ADK: variants seen among roughly 807,000 people sequenced by gnomAD.
ADK encodes the protein N6,N6-dimethyladenosine kinase.
A neutral mutation model predicts 44.7 loss-of-function variants in ADK; 24 were observed. That is an observed-to-expected ratio of 0.54 (90% CI 0.39 to 0.76). ADK has a LOEUF of 0.76. Ranked by LOEUF, ADK falls within the 30% of genes least tolerant of loss-of-function variation. The pLI is 0.00. For missense variants in ADK, 321 were observed against 425.1 expected (o/e 0.76, Z 2.15); for synonymous variants, 128 against 142.6 (o/e 0.90, Z 0.73).
intron 9 of ADK, among the ~76,000 whole-genome samples, chr10:74,604,385 T>G (rs1034437338): frequency 3.3e-5 from 5 of 152,210 alleles, no homozygotes; most frequent in African/African-American, 1.2e-4. Flanking sequence ...TGGTTTTATG[T>G]TTTATGTTTT....
chr10:74,692,045 G>A (rs1202603320), intron 10 of ADK, among the ~76,000 whole-genome samples: 3 of 152,056 alleles, frequency 2.0e-5, no homozygotes, highest in Admixed American at 6.6e-5. Flanking sequence ...AAAAACTTAC[G>A]TCTTCACAAA....
rs181032154 is a variant in ADK, at chr10:74,431,362, A to T, written c.555+32783A>T. ...AAATGTTTGTGTCTGCTTAATCCGCATATCTGTTTCTTTAGGCAAACTTGC... is the reference window on the plus strand; with the variant it reads ...AAATGTTTGTGTCTGCTTAATCCGCTTATCTGTTTCTTTAGGCAAACTTGC... On this transcript the variant is annotated intron_variant, in intron 6 of 10. Coordinates refer to ENST00000539909, the MANE Select transcript of ADK (RefSeq NM_006721.4). Among the ~76,000 whole-genome samples the T allele has an allele frequency of 7.9e-5, 12 of 152,312 alleles. No individual in the cohort carries two copies. The East Asian group carries it at 9.6e-4, about 12-fold the overall frequency.
intron 6 of ADK, among the ~76,000 whole-genome samples, chr10:74,449,272 G>T (rs1272560085): frequency 6.6e-6 from 1 of 152,132 alleles, no homozygotes; most frequent in Admixed American, 6.5e-5. Flanking sequence ...TGTGCACAAC[G>T]TGCAGGCTTT....
intron 1 of ADK, among the ~76,000 whole-genome samples, chr10:74,157,716 T>TAAA (rs35499084): frequency 7.5e-5 from 10 of 133,918 alleles, no homozygotes; most frequent in African/African-American, 2.2e-4. Flanking sequence ...CCATCTTTAC[T>TAAA]AAAAAAAAAA....
intron 6 of ADK, among the ~76,000 whole-genome samples, chr10:74,446,863 T>C (rs1193680012): frequency 2.0e-5 from 3 of 152,166 alleles, no homozygotes; most frequent in African/African-American, 7.2e-5. Context: ...TATAAATCAC[T>C]GCATGGTTCT....
Position 74,151,294 on chromosome 10 carries a change from G to A in ADK, c.16G>A (p.Glu6Lys). MAAAE[E>K]EPKPKKLKVE... The stretch of plus-strand genomic sequence containing the variant: ...GAGCGCGAAGATGGCAGCTGCTGAG[G>A]AGGAGCCGAAGCCCAAAAAGCTGAA... The change falls in exon 1 of 11, where the codon GAG (glutamate) becomes AAG (lysine). Residue 6 changes from glutamate to lysine, a missense_variant. Transcript: ENST00000539909. 6.5e-7 allele frequency: 1 copy of A among 1,549,686 alleles called. No homozygotes were observed. The highest frequency in any genetic ancestry group is 8.7e-7 in the Non-Finnish European group (1 of 1,146,842).
At chr10:74,411,826 C>T (rs1375890324) in intron 6 of ADK, among the ~76,000 whole-genome samples, 4 of 152,224 alleles carry the variant, frequency 2.6e-5, no homozygotes, top group African/African-American at 9.6e-5. Flanking sequence ...TCAGCCCTCT[C>T]TAACTCTGTT....
chr10:74,188,225 C>A (rs1378595650), intron 1 of ADK, among the ~76,000 whole-genome samples: 1 of 151,286 alleles, frequency 6.6e-6, no homozygotes, highest in East Asian at 1.9e-4. Flanking sequence ...CATTTGCATT[C>A]TTGATGTTGG....
At chr10:74,391,242 T>C (rs1181605722) in intron 4 of ADK, among the ~76,000 whole-genome samples, 2 of 152,192 alleles carry the variant, frequency 1.3e-5, no homozygotes, top group Non-Finnish European at 2.9e-5. Context: ...ATACCTTCTT[T>C]GATTTTTCAT....
intron 7 of ADK, among the ~76,000 whole-genome samples, chr10:74,550,163 C>A (rs574277012): frequency 3.3e-5 from 5 of 151,478 alleles, no homozygotes; most frequent in Admixed American, 3.3e-4. Flanking sequence ...CTCTGCCTCC[C>A]GGGTTCAAGT....
chr10:74,268,315 A>C (rs1392125349), intron 3 of ADK, among the ~76,000 whole-genome samples: 1 of 151,678 alleles, frequency 6.6e-6, no homozygotes, highest in East Asian at 1.9e-4. Flanking sequence ...AAGTCACCAT[A>C]TCTTTAAGAA....
chr10:74,449,778 A>G (rs1845707559), intron 6 of ADK, among the ~76,000 whole-genome samples: 3 of 152,162 alleles, frequency 2.0e-5, no homozygotes, highest in African/African-American at 7.2e-5. Flanking sequence ...AGAAATGATG[A>G]TCTCGAGAAT....
At chr10:74,496,172 T>G (rs1847679534) in intron 6 of ADK, among the ~76,000 whole-genome samples, 1 of 152,204 alleles carries the variant, frequency 6.6e-6, no homozygotes, top group Admixed American at 6.5e-5. Context: ...AGTAATGCAG[T>G]CACAGCTCAC....
At chr10:74,671,290 C>T (rs184871008) in intron 10 of ADK, among the ~76,000 whole-genome samples, 7 of 151,922 alleles carry the variant, frequency 4.6e-5, no homozygotes, top group East Asian at 3.9e-4. Flanking sequence ...CTCCACCTCC[C>T]GGGTTCAAAT....
At chr10:74,565,021 A>G (rs1282709513) in intron 7 of ADK, among the ~76,000 whole-genome samples, 2 of 152,204 alleles carry the variant, frequency 1.3e-5, no homozygotes, top group Non-Finnish European at 2.9e-5. Flanking sequence ...TGGCATCTCC[A>G]GATAGACTTT....
intron 1 of ADK, among the ~76,000 whole-genome samples, chr10:74,165,101 T>C (rs1051562015): frequency 6.6e-6 from 1 of 152,118 alleles, no homozygotes; most frequent in African/African-American, 2.4e-5. Flanking sequence ...GAGTTGGAAA[T>C]GTTCCCTCCT....
At chr10:74,686,149 A>C (rs938445819) in intron 10 of ADK, among the ~76,000 whole-genome samples, 2 of 151,988 alleles carry the variant, frequency 1.3e-5, no homozygotes, top group Non-Finnish European at 2.9e-5. Flanking sequence ...TTTTTAGTAG[A>C]GACGAGGTTT....
chr10:74,409,284 G>A (rs1039686553), intron 6 of ADK, among the ~76,000 whole-genome samples: 2 of 152,174 alleles, frequency 1.3e-5, no homozygotes, highest in Non-Finnish European at 2.9e-5. Context: ...TAATCACCAT[G>A]CAAGTTTAGG....
chr10:74,501,667 C>T (rs553717663), intron 6 of ADK, among the ~76,000 whole-genome samples: 1 of 151,992 alleles, frequency 6.6e-6, no homozygotes, highest in Non-Finnish European at 1.5e-5. Context: ...GAATATCATT[C>T]GTTCATAAAA....
Sources: gnomAD v4.1 joint callset for allele counts (sites outside exome capture counted in the v4.1 genomes callset) on GRCh38, gnomAD v4.1.1 for gene constraint, MANE v1.5 for transcripts, NCBI Gene and HGNC (gene_info 2026-07-23, HGNC 2026-07-21) for gene names.